Variants in CEP112 observed in about 807,000 individuals in gnomAD.
CEP112 encodes centrosomal protein 112.
In CEP112, 127 loss-of-function variants were observed where a neutral mutation model predicts 153.0. The observed-to-expected ratio is 0.83, with a 90% CI of 0.72 to 0.96. The LOEUF (loss-of-function observed/expected upper bound fraction) is 0.96, where lower values mean the gene tolerates loss of function less well. CEP112 is among the 40% of genes least tolerant of loss of function. The pLI is 0.00. For synonymous variants in CEP112, 358 were observed against 374.4 expected (o/e 0.96, Z 0.51); for missense variants, 1,089 against 1,101.2 (o/e 0.99, Z 0.16).
At chr17:65,769,305 A>T (rs2053196778) in intron 21 of CEP112, among the ~76,000 whole-genome samples, 1 of 152,044 alleles carries the variant, frequency 6.6e-6, no homozygotes, top group Non-Finnish European at 1.5e-5. Context: ...ATGCTCTTGG[A>T]TTGGCAGAAT....
At chr17:65,869,070 C>A (rs1308858452) in intron 20 of CEP112, among the ~76,000 whole-genome samples, 1 of 152,116 alleles carries the variant, frequency 6.6e-6, no homozygotes. Flanking sequence ...AGAAACCAGC[C>A]CTTCAGATGC....
Position 65,709,051 on chromosome 17 carries a change from C to G in CEP112, c.2608-19833G>C, listed in dbSNP as rs192216660. Among the ~76,000 whole-genome samples the G allele has an allele frequency of 7.9e-3, 1,195 of 152,210 alleles. 14 individuals are homozygous for G. The highest frequency in any genetic ancestry group is 0.014 in the Non-Finnish European group (968 of 68,012). On this transcript the variant is annotated intron_variant, in intron 23 of 26. Transcript: ENST00000535342. Reference sequence around the variant, plus strand: ...CAGCTCTTTGTTGCAGGTCTCTGTGCATTTTTCTTGGCCTGCTGGATGAAT... The same window carrying G: ...CAGCTCTTTGTTGCAGGTCTCTGTGGATTTTTCTTGGCCTGCTGGATGAAT...
chr17:65,789,114 C>T (rs1158494537), intron 21 of CEP112, among the ~76,000 whole-genome samples: 4 of 152,170 alleles, frequency 2.6e-5, no homozygotes. Flanking sequence ...GTCCCAAAGG[C>T]ACTCAACTAA....
intron 24 of CEP112, among the ~76,000 whole-genome samples, chr17:65,675,247 A>G (rs1310621906): frequency 6.6e-6 from 1 of 152,212 alleles, no homozygotes; most frequent in Admixed American, 6.5e-5. Context: ...AAATACCGTA[A>G]CTACTAAAAA....
intron 21 of CEP112, among the ~76,000 whole-genome samples, chr17:65,756,454 T>C (rs2052287437): frequency 7.6e-6 from 1 of 131,818 alleles, no homozygotes; most frequent in Admixed American, 7.6e-5. Flanking sequence ...TAATACGGAA[T>C]CTTGAGCCAA....
At chr17:66,005,653 G>C (rs201751686) in intron 17 of CEP112, 37 bp downstream of exon 17, 889 of 1,590,142 alleles carry the variant, frequency 5.6e-4, no homozygotes, top group Non-Finnish European at 7.2e-4. Context: ...TTTAATAAAG[G>C]GTAGTTTTAA....
chr17:65,829,489 G>C (rs1364780809), intron 21 of CEP112, among the ~76,000 whole-genome samples: 1 of 152,124 alleles, frequency 6.6e-6, no homozygotes, highest in Non-Finnish European at 1.5e-5. Context: ...TCTAAACATA[G>C]GAGGCGGGAG....
chr17:66,147,349 T>C (rs940543591), intron 4 of CEP112, among the ~76,000 whole-genome samples: 1 of 152,150 alleles, frequency 6.6e-6, no homozygotes, highest in Non-Finnish European at 1.5e-5. Context: ...AATCTAGTTT[T>C]TTTTATTGTT....
At chr17:65,952,575 T>G (rs1584040) in intron 18 of CEP112, among the ~76,000 whole-genome samples, 62,912 of 151,974 alleles carry the variant, frequency 0.41, 14,403 homozygotes, top group East Asian at 0.87. Context: ...GCTGTCAGTA[T>G]TTGTGCAATA....
intron 20 of CEP112, among the ~76,000 whole-genome samples, chr17:65,892,868 C>T (rs756421769): frequency 1.3e-4 from 20 of 152,112 alleles, no homozygotes; most frequent in Non-Finnish European, 2.2e-4. Flanking sequence ...TTTCAGGAAA[C>T]ATTTGGTGAA....
In CEP112 at chr17:66,130,700, C is replaced by T. The variant is rs189193850; in HGVS notation, c.565-877G>A. Among the ~76,000 whole-genome samples the T allele has an allele frequency of 5.2e-4, 73 of 140,668 alleles. No individual in the cohort carries two copies. The East Asian group carries it at 0.014, about 27-fold the overall frequency. 92.3% of individuals were successfully genotyped at this position (140,668 alleles called of 152,430 possible). A position where few individuals can be genotyped will look rare whatever the true frequency, so the allele number is the denominator to read the frequency against. On this transcript the variant is annotated intron_variant, in intron 5 of 26. Coordinates refer to ENST00000535342, the MANE Select transcript of CEP112 (RefSeq NM_001199165.4). The stretch of plus-strand genomic sequence containing the variant: ...CTGAGGCAGGAGAATGGTGTGAACC[C>T]GGGAGGTGGAGCTTGCAGTGAGCCA...
chr17:66,005,546 T>C, intron 17 of CEP112, 144 bp downstream of exon 17: 2 of 983,948 alleles, frequency 2.0e-6, no homozygotes, highest in Non-Finnish European at 2.8e-6. Flanking sequence ...ATCTTGAAGA[T>C]AGAGATTTGT....
At chr17:65,855,461 G>A (rs989045207) in intron 20 of CEP112, among the ~76,000 whole-genome samples, 3 of 152,150 alleles carry the variant, frequency 2.0e-5, no homozygotes, top group Non-Finnish European at 4.4e-5. Context: ...TCACTTCCAG[G>A]AGCTTAGGTA....
chr17:66,067,238 C>T (rs1270286920), intron 9 of CEP112, among the ~76,000 whole-genome samples: 2 of 152,154 alleles, frequency 1.3e-5, no homozygotes, highest in Non-Finnish European at 2.9e-5. Flanking sequence ...TGCCTGAAAT[C>T]GTGAGACTTT....
In CEP112 at chr17:65,951,748, C is replaced by CAT. The variant is rs1210055404; in HGVS notation, c.1872+9714_1872+9715insAT. On this transcript the variant is annotated intron_variant, in intron 18 of 26. Transcript: ENST00000535342. ...TTCTGCTCTAATCTTCCCCCGCCCC[C>CAT]CCCTTTCTTCCACTTGCTTAGAAGC... Among the ~76,000 whole-genome samples, 5 of 118,814 alleles carry CAT rather than the reference C, an allele frequency of 4.2e-5. 1 individual carries two copies. The highest frequency in any genetic ancestry group is 9.1e-5 in the Non-Finnish European group (5 of 55,192). The allele number at this position is 118,814 out of a possible 152,430, so 77.9% of individuals were successfully genotyped here.
rs1313856280 is a variant in CEP112, at chr17:66,010,139, AG to A, written c.1657-4371del. ...ATTTGTGTCATCTCTGATTTCATTG[AG>A]CAATGTTTTTTATCCCATTGTAGAA... On this transcript the variant is annotated intron_variant, in intron 16 of 26. Transcript: ENST00000535342. Among the ~76,000 whole-genome samples the A allele has an allele frequency of 2.0e-5, 3 of 152,216 alleles. No homozygotes were observed. The East Asian group carries it at 5.8e-4, about 29-fold the overall frequency.
At chr17:66,168,522 T>C (rs1366908760) in intron 4 of CEP112, among the ~76,000 whole-genome samples, 1 of 151,444 alleles carries the variant, frequency 6.6e-6, no homozygotes, top group Non-Finnish European at 1.5e-5. Flanking sequence ...TGTGTGTATA[T>C]ATATGTATAT....
chr17:66,031,473 G>T (rs147149445), intron 12 of CEP112, among the ~76,000 whole-genome samples: 46 of 120,002 alleles, frequency 3.8e-4, no homozygotes, highest in African/African-American at 8.8e-4. Context: ...GTTTTGTTTT[G>T]TTTTTTTTTT....
chr17:65,746,655 C>A (rs1462842851), intron 22 of CEP112, among the ~76,000 whole-genome samples: 3 of 152,066 alleles, frequency 2.0e-5, no homozygotes, highest in Non-Finnish European at 4.4e-5. Flanking sequence ...ATAACTGGCA[C>A]CCAGTTTAAG....
Sources: allele counts gnomAD v4.1 joint callset (sites outside exome capture counted in the v4.1 genomes callset), GRCh38; gene constraint gnomAD v4.1.1; transcripts MANE v1.5; gene names NCBI Gene and HGNC (gene_info 2026-07-23, HGNC 2026-07-21).